Variants in IL1RAPL2 observed in about 807,000 individuals in gnomAD.
IL1RAPL2 encodes the protein X-linked interleukin-1 receptor accessory protein-like 2.
Under a neutral mutation model 44.1 loss-of-function variants are expected in IL1RAPL2, and 3 were observed. The observed-to-expected ratio is 0.07, with a 90% CI of 0.03 to 0.18. IL1RAPL2 has a LOEUF of 0.18. Among genes scored for constraint, IL1RAPL2 ranks in the 10% least tolerant of loss-of-function variants. IL1RAPL2 has a pLI of 1.00. For missense variants in IL1RAPL2, 391 were observed against 496.4 expected (o/e 0.79, Z 2.02); for synonymous variants, 181 against 178.8 (o/e 1.01, Z -0.10).
At chrX:105,521,582 A>G (rs2036558921) in intron 6 of IL1RAPL2, among the ~76,000 whole-genome samples, 2 of 111,404 alleles carry the variant, frequency 1.8e-5, no homozygotes, top group African/African-American at 3.3e-5. Context: ...AATAATCCCC[A>G]TGTTTCATGG....
intron 2 of IL1RAPL2, among the ~76,000 whole-genome samples, chrX:105,173,485 T>G (rs747193809): frequency 9.0e-6 from 1 of 111,538 alleles, no homozygotes; most frequent in East Asian, 2.8e-4. Context: ...AATCTGGAGC[T>G]CCTCATAGCA....
At chrX:105,032,127 G>A (rs781658185) in intron 2 of IL1RAPL2, among the ~76,000 whole-genome samples, 5 of 110,437 alleles carry the variant, frequency 4.5e-5, no homozygotes, top group Non-Finnish European at 7.6e-5. Context: ...TTTCTTCTTT[G>A]TTAGTCTTGC....
intron 2 of IL1RAPL2, among the ~76,000 whole-genome samples, chrX:104,715,680 T>TAAA (rs774607456): frequency 7.6e-4 from 75 of 98,887 alleles, no homozygotes; most frequent in African/African-American, 2.6e-3. Flanking sequence ...TCACAATTGC[T>TAAA]AAAAAAAAAA....
intron 2 of IL1RAPL2, among the ~76,000 whole-genome samples, chrX:104,973,889 T>A (rs1303443238): frequency 5.3e-5 from 6 of 112,223 alleles, no homozygotes; most frequent in African/African-American, 1.9e-4. Context: ...TTTTAAATAT[T>A]CTTTCTTGCA....
intron 1 of IL1RAPL2, among the ~76,000 whole-genome samples, chrX:104,614,100 A>G (rs1360489062): frequency 9.0e-6 from 1 of 111,129 alleles, no homozygotes; most frequent in African/African-American, 3.3e-5. Context: ...TTGCTAATCT[A>G]GCTAGCAGGC....
At chrX:104,777,813 C>G (rs1316583055) in intron 2 of IL1RAPL2, among the ~76,000 whole-genome samples, 11 of 110,109 alleles carry the variant, frequency 1.0e-4, no homozygotes, top group Non-Finnish European at 1.7e-4. Flanking sequence ...AACTCGTGGC[C>G]TCAAGTGATC....
intron 2 of IL1RAPL2, among the ~76,000 whole-genome samples, chrX:105,148,939 C>T (rs983513015): frequency 2.7e-5 from 3 of 111,754 alleles, no homozygotes; most frequent in Non-Finnish European, 5.6e-5. Flanking sequence ...CCTCAGCAGA[C>T]ACTGAATCTA....
At chrX:105,651,017 T>C (rs1041384990) in intron 6 of IL1RAPL2, among the ~76,000 whole-genome samples, 1 of 112,356 alleles carries the variant, frequency 8.9e-6, no homozygotes, top group African/African-American at 3.2e-5. Flanking sequence ...AAAATATTCT[T>C]GGCCTTAGGA....
intron 2 of IL1RAPL2, among the ~76,000 whole-genome samples, chrX:104,729,447 CTTTTTTTTTTTTT>C (rs5903245): frequency 2.2e-5 from 1 of 46,481 alleles, no homozygotes; most frequent in Non-Finnish European, 4.0e-5. Flanking sequence ...GGCCTGCTGC[CTTTTTTTTTTTTT>C]TTTTTTTTTT....
At chrX:105,325,541 T>TTTTATATATATA (rs1218720906) in intron 5 of IL1RAPL2, among the ~76,000 whole-genome samples, 1 of 76,091 alleles carries the variant, frequency 1.3e-5, no homozygotes, top group African/African-American at 7.0e-5. Context: ...TCTCTTGGTT[T>TTTTATATATATA]TATATATATA....
chrX:105,024,620 T>A (rs1439822092), intron 2 of IL1RAPL2, among the ~76,000 whole-genome samples: 2 of 111,289 alleles, frequency 1.8e-5, no homozygotes, highest in Non-Finnish European at 3.8e-5. Flanking sequence ...TCTGAAATAT[T>A]TACTGGTTGA....
At chrX:105,220,523 C>G (rs1335194900) in intron 3 of IL1RAPL2, 2 of 651,396 alleles carry the variant, frequency 3.1e-6, no homozygotes, top group East Asian at 7.2e-5. Context: ...GCCCTACCCG[C>G]TCTGACAAGA....
chrX:105,067,354 G>A (rs1175279582), intron 2 of IL1RAPL2, among the ~76,000 whole-genome samples: 1 of 111,306 alleles, frequency 9.0e-6, no homozygotes, highest in East Asian at 2.9e-4. Context: ...CTGAGCATCT[G>A]CATTTTAAAT....
intron 2 of IL1RAPL2, among the ~76,000 whole-genome samples, chrX:105,153,711 TC>T (rs1334976473): frequency 9.0e-6 from 1 of 111,702 alleles, no homozygotes; most frequent in Non-Finnish European, 1.9e-5. Context: ...AGCAGGGGCT[TC>T]CAGGTCATAG....
rs187980156 is a variant in IL1RAPL2, at chrX:104,599,566, C to T, written c.-20+32515C>T. Among the ~76,000 whole-genome samples, 13 of 108,118 alleles carry T rather than the reference C, an allele frequency of 1.2e-4. No individual in the cohort carries two copies. The East Asian group carries it at 2.6e-3, about 22-fold the overall frequency. The allele number at this position is 108,118 out of a possible 115,157, so 93.9% of individuals were successfully genotyped here. A position where few individuals can be genotyped will look rare whatever the true frequency, so the allele number is the denominator to read the frequency against. On this transcript the variant is annotated intron_variant, in intron 1 of 10. Transcript: ENST00000372582. ...CCTGGTTGATTTTTTTTTAAAGAAA[C>T]CTTCTGCATGTTTATTTTTCCCTTA... is the stretch of plus-strand genomic sequence containing the variant.
At chrX:105,547,617 G>T (rs770351048) in intron 6 of IL1RAPL2, among the ~76,000 whole-genome samples, 2 of 111,986 alleles carry the variant, frequency 1.8e-5, no homozygotes, top group Non-Finnish European at 3.8e-5. Context: ...TCGAGTAATT[G>T]TCTAATCTGG....
chrX:104,720,823 C>T (rs773824599), intron 2 of IL1RAPL2, among the ~76,000 whole-genome samples: 1 of 111,533 alleles, frequency 9.0e-6, no homozygotes, highest in African/African-American at 3.2e-5. Context: ...TTTTAAAACA[C>T]TGTCAGTCCA....
At chrX:104,945,823 T>A (rs1925330407) in intron 2 of IL1RAPL2, among the ~76,000 whole-genome samples, 1 of 111,735 alleles carries the variant, frequency 8.9e-6, no homozygotes, top group South Asian at 3.7e-4. Flanking sequence ...TCAGTATTAG[T>A]CATGGGTGAG....
chrX:105,533,126 G>A (rs1479934266), intron 6 of IL1RAPL2, among the ~76,000 whole-genome samples: 2 of 110,978 alleles, frequency 1.8e-5, no homozygotes, highest in Non-Finnish European at 3.8e-5. Flanking sequence ...GGAGGCGGAG[G>A]TTGCAGTGAG....
Sources: allele counts gnomAD v4.1 joint callset (sites outside exome capture counted in the v4.1 genomes callset), GRCh38; gene constraint gnomAD v4.1.1; transcripts MANE v1.5; gene names NCBI Gene and HGNC (gene_info 2026-07-23, HGNC 2026-07-21).